TTK: variants seen among roughly 807,000 people sequenced by gnomAD.
TTK encodes the protein TTK protein kinase.
Under a neutral mutation model 117.3 loss-of-function variants are expected in TTK, and 59 were observed. The observed-to-expected ratio is 0.50, with a 90% CI of 0.41 to 0.62. TTK has a LOEUF of 0.62. Among genes scored for constraint, TTK ranks in the 20% least tolerant of loss-of-function variants. TTK has a pLI of 0.00. For missense variants in TTK, 921 were observed against 989.4 expected (o/e 0.93, Z 0.93); for synonymous variants, 302 against 325.0 (o/e 0.93, Z 0.76).
chr6:80,018,621 C>T (rs113406117), intron 10 of TTK, among the ~76,000 whole-genome samples: 1,958 of 131,878 alleles, frequency 0.015, 54 homozygotes, highest in African/African-American at 0.055. Flanking sequence ...AGCGAGACTC[C>T]GTCTCAAAAA....
intron 1 of TTK, 153 bp from the exon 2 acceptor site, chr6:80,005,689 C>A: frequency 2.7e-6 from 2 of 729,944 alleles, no homozygotes; most frequent in Non-Finnish European, 2.2e-6. Flanking sequence ...TGTTGTTGTG[C>A]ACTTACCTCC....
rs189733374 is a variant in TTK at position 80,028,389 on chromosome 6, G to A, written c.1521+378G>A. ...CTGGAGTGCAGTGGCGCGATCTCGG[G>A]TGACTACAACCTCTGCTTCCCAGGT... On this transcript the variant is annotated intron_variant, in intron 13 of 21. Transcript: ENST00000369798. 6.9e-3 allele frequency among the ~76,000 whole-genome samples: 1,041 copies of A among 151,602 alleles called. 13 individuals carry two copies. The highest frequency in any genetic ancestry group is 0.024 in the African/African-American group (1,000 of 41,270).
intron 14 of TTK, among the ~76,000 whole-genome samples, chr6:80,033,062 A>T (rs941467767): frequency 6.6e-6 from 1 of 152,208 alleles, no homozygotes; most frequent in Non-Finnish European, 1.5e-5. Context: ...CATCTAAAAA[A>T]AATCAAACTT....
chr6:80,033,319 G>A (rs1162023996), intron 14 of TTK, among the ~76,000 whole-genome samples: 1 of 152,062 alleles, frequency 6.6e-6, no homozygotes, highest in Non-Finnish European at 1.5e-5. Context: ...TGTCTTCTCA[G>A]TTAGGCCTTC....
intron 9 of TTK, among the ~76,000 whole-genome samples, chr6:80,013,935 G>C (rs1369140258): frequency 6.6e-6 from 1 of 151,946 alleles, no homozygotes; most frequent in Non-Finnish European, 1.5e-5. Flanking sequence ...TCAATTTTAT[G>C]TTCTTTGTAA....
chr6:80,015,920 T>G (rs1767294770), intron 10 of TTK, among the ~76,000 whole-genome samples: 1 of 152,262 alleles, frequency 6.6e-6, no homozygotes, highest in Admixed American at 6.5e-5. Flanking sequence ...AATAACCTCC[T>G]TGATCCTCCT....
chr6:80,006,612 T>C lies in TTK; in HGVS notation c.139+630T>C, dbSNP rs111819273. On this transcript the variant is annotated intron_variant, in intron 2 of 21. Transcript: ENST00000369798. ...GAATTTATATATTCACTATGCTACA[T>C]TGTAATGCATGCTGGGCATCATAGG... 2.5e-3 allele frequency among the ~76,000 whole-genome samples: 382 copies of C among 152,264 alleles called. 3 individuals are homozygous for C. The highest frequency in any genetic ancestry group is 8.1e-3 in the African/African-American group (336 of 41,570).
chr6:80,008,037 T>C lies in TTK; in HGVS notation c.362+6T>C. On this transcript the variant is annotated splice_donor_region_variant and intron_variant, in intron 3 of 21. Transcript: ENST00000369798. ...AGATTTGCTGAATTAAAAGCGTAAG[T>C]ATTAGCATTTTAACTATGTTCAACT... is the stretch of plus-strand genomic sequence containing the variant. The C allele has an allele frequency of 6.2e-7, 1 of 1,612,312 alleles. No homozygotes were observed. Among genetic ancestry groups the C allele is most frequent in the South Asian group, 1.1e-5 (1 of 90,958 alleles).
intron 20 of TTK, 105 bp downstream of exon 20, chr6:80,040,385 G>A (rs1768016091): frequency 1.3e-5 from 14 of 1,048,122 alleles, no homozygotes; most frequent in Non-Finnish European, 1.9e-5. Context: ...CCCTTTGTCA[G>A]CCTGCCTTTT....
intron 10 of TTK, among the ~76,000 whole-genome samples, chr6:80,018,499 C>T (rs1034708336): frequency 6.6e-6 from 1 of 151,716 alleles, no homozygotes; most frequent in Admixed American, 6.6e-5. Context: ...TGGCAGGTGC[C>T]TGTAATCCCA....
At chr6:80,018,762 T>C (rs1562015910) in intron 10 of TTK, among the ~76,000 whole-genome samples, 1 of 152,182 alleles carries the variant, frequency 6.6e-6, no homozygotes, top group Non-Finnish European at 1.5e-5. Context: ...CATTCTTGTC[T>C]CATTCCTTAT....
At position 80,042,326 on chromosome 6, in the gene TTK, T is replaced by A. The variant is rs1012933254; in HGVS notation, c.*124T>A. On this transcript the variant is annotated 3_prime_UTR_variant, in exon 22 of 22. Coordinates refer to ENST00000369798, the MANE Select transcript of TTK (RefSeq NM_003318.5). ...TCTGAAGTGTTATCAGCAAAAAAAA[T>A]TCAGTAGATTATCTTTAAAAGAAAA... 9.3e-6 allele frequency: 6 copies of A among 643,976 alleles called. No homozygotes were observed. The highest frequency in any genetic ancestry group is 1.5e-5 in the Non-Finnish European group (6 of 398,676). The allele number at this position is 643,976 out of a possible 1,614,324, so 39.9% of individuals were successfully genotyped here.
intron 4 of TTK, 95 bp from the exon 5 acceptor site, chr6:80,010,718 AT>A (rs199675925): frequency 6.2e-5 from 79 of 1,270,784 alleles, no homozygotes; most frequent in Admixed American, 1.1e-4. Flanking sequence ...AGTCTTTTTG[AT>A]TTTTTTTTCT....
intron 13 of TTK, among the ~76,000 whole-genome samples, chr6:80,030,919 G>A (rs1767741500): frequency 6.6e-6 from 1 of 151,856 alleles, no homozygotes; most frequent in South Asian, 2.1e-4. Context: ...GTAGTGGCAT[G>A]CCTGTAATCC....
At position 80,022,401 on chromosome 6, in the gene TTK, A is replaced by G. The variant is rs61735782; in HGVS notation, c.1186A>G (p.Ile396Val). Residue 396 changes from isoleucine to valine, a missense_variant, in exon 11 of 22, where the codon ATT becomes GTT. Ile to Val is a conservative substitution (Grantham distance 29). Transcript: ENST00000369798. ...QWQSKRKSECINQNPAASSNH... is the reference protein window; with the variant it reads ...QWQSKRKSECVNQNPAASSNH... ...GCAATCTAAGAGAAAGTCAGAGTGTATTAACCAGAATCCTGCTGCATCTTC... is the reference window on the plus strand; with the variant it reads ...GCAATCTAAGAGAAAGTCAGAGTGTGTTAACCAGAATCCTGCTGCATCTTC... 1.0e-4 allele frequency: 168 copies of G among 1,613,958 alleles called. No individual in the cohort carries two copies. The highest frequency in any genetic ancestry group is 3.7e-5 in the Non-Finnish European group (44 of 1,179,990).
intron 10 of TTK, among the ~76,000 whole-genome samples, chr6:80,018,152 C>G (rs1302013684): frequency 1.3e-5 from 2 of 151,038 alleles, no homozygotes; most frequent in Admixed American, 6.6e-5. Flanking sequence ...CACTGCACTC[C>G]AGCCTGGGTG....
At chr6:80,037,331 A>G (rs1353579071) in intron 17 of TTK, among the ~76,000 whole-genome samples, 1 of 152,050 alleles carries the variant, frequency 6.6e-6, no homozygotes, top group African/African-American at 2.4e-5. Context: ...TGAGTTGTAA[A>G]TCAGCTTGAC....
At position 80,011,798 on chromosome 6, in the gene TTK, A is replaced by G. The variant is rs772192078; in HGVS notation, c.798A>G (p.Lys266=). 4 of 1,612,776 alleles carry G rather than the reference A, an allele frequency of 2.5e-6. No individual in the cohort carries two copies. The highest frequency in any genetic ancestry group is 3.4e-6 in the Non-Finnish European group (4 of 1,179,158). Residue 266 remains lysine (K), a synonymous_variant, in exon 7 of 22, where the codon AAA becomes AAG. Coordinates refer to ENST00000369798, the MANE Select transcript of TTK (RefSeq NM_003318.5). ...CATTGAGACAAACTAACAAAACTAA[A>G]CAGGTAAGTTACTTTCAATCTGCTT... The part of the protein sequence containing the change: ...RNSLRQTNKT[K]QSCPFGRVPV...
chr6:80,037,891 T>TAAC, intron 17 of TTK, 76 bp from the exon 18 acceptor site: 1 of 608,508 alleles, frequency 1.6e-6, no homozygotes, highest in Non-Finnish European at 2.5e-6. Flanking sequence ...ATAATAATAA[T>TAAC]AATAATCTCA....
Sources: gnomAD v4.1 joint callset for allele counts (sites outside exome capture counted in the v4.1 genomes callset) on GRCh38, gnomAD v4.1.1 for gene constraint, MANE v1.5 for transcripts, NCBI Gene and HGNC (gene_info 2026-07-23, HGNC 2026-07-21) for gene names.